Variants in ARHGDIA observed in about 807,000 individuals in gnomAD.
ARHGDIA encodes the protein Rho GDP dissociation inhibitor alpha.
Under a neutral mutation model 25.0 loss-of-function variants are expected in ARHGDIA, and 9 were observed. That is an observed-to-expected ratio of 0.36 (90% CI 0.22 to 0.63). The LOEUF (loss-of-function observed/expected upper bound fraction) is 0.63, where lower values mean the gene tolerates loss of function less well. Ranked by LOEUF, ARHGDIA falls within the 20% of genes least tolerant of loss-of-function variation. The pLI, the probability that ARHGDIA is intolerant of heterozygous loss-of-function variation, is 0.69. For synonymous variants in ARHGDIA, 166 were observed against 111.5 expected (o/e 1.49, Z -3.08); for missense variants, 239 against 264.3 (o/e 0.90, Z 0.66).
At chr17:81,870,164 G>A (rs1567853794) in intron 1 of ARHGDIA, 1 of 552,834 alleles carries the variant, frequency 1.8e-6, no homozygotes, top group South Asian at 2.4e-5. Context: ...AGACAAAATG[G>A]GAACTGCAGC....
In ARHGDIA at chr17:81,869,885, C is replaced by T. The variant is rs755519466; in HGVS notation, c.46G>A (p.Ala16Thr). The stretch of plus-strand genomic sequence containing the variant: ...GAGTGCTCATCCTCCTCGTTCTCCG[C>T]TGCAATCTGGGCCAGCTGCTCGGCT... Reference protein sequence around the residue: ...PTAEQLAQIAAENEEDEHSVN... With the variant: ...PTAEQLAQIATENEEDEHSVN... The change falls in exon 2 of 6, where the codon GCG becomes ACG. Residue 16 changes from alanine to threonine, a missense_variant. Around this residue, in one of 3 missense-constraint regions of ARHGDIA, gnomAD observed 135 missense variants for 119.8 expected, o/e 1.13. Transcript: ENST00000269321. 2.5e-6 allele frequency: 4 copies of T among 1,613,918 alleles called. No homozygotes were observed. The highest frequency in any genetic ancestry group is 3.4e-6 in the Non-Finnish European group (4 of 1,180,022).
rs1357682654 is a variant in ARHGDIA at position 81,869,229 on chromosome 17, C to T, written c.359G>A (p.Arg120Gln). 5 of 1,613,988 alleles carry T rather than the reference C, an allele frequency of 3.1e-6. No homozygotes were observed. Among genetic ancestry groups the T allele is most frequent in the African/African-American group, 1.3e-5 (1 of 74,908 alleles). ...YRIKISFRVN[R>Q]EIVSGMKYIQ... Reference sequence around the variant, plus strand: ...GTACTTCATGCCGGACACTATCTCTCGGTTAACCTGCAGGACCCGAAGCGA... The same window carrying T: ...GTACTTCATGCCGGACACTATCTCTTGGTTAACCTGCAGGACCCGAAGCGA... The change falls in exon 5 of 6, where the codon CGA becomes CAA. Residue 120 changes from arginine (R) to glutamine (Q), a missense_variant. By Grantham distance (43) the Arg-to-Gln change is conservative. This residue lies in a region of ARHGDIA where 75 missense variants were observed against 122.4 expected (regional missense o/e 0.61). Transcript: ENST00000269321.
rs1036226422 is a variant in ARHGDIA at position 81,870,098 on chromosome 17, C to G, written c.-27-141G>C. 1.7e-5 allele frequency: 13 copies of G among 784,062 alleles called. No individual in the cohort carries two copies. In the South Asian group the frequency reaches 2.4e-4, roughly 14 times the overall value. 48.6% of individuals were successfully genotyped at this position (784,062 alleles called of 1,614,324 possible). ...CTCCTCTCCACCCCCGCGATTCCTG[C>G]TCAGGGGCATCCTCTGGGGCAGTGT... On this transcript the variant is annotated intron_variant, in intron 1 of 5. Coordinates refer to ENST00000269321, the MANE Select transcript of ARHGDIA (RefSeq NM_004309.6).
At position 81,868,519 on chromosome 17, in the gene ARHGDIA, G is replaced by A; in HGVS notation, c.*357C>T. On this transcript the variant is annotated 3_prime_UTR_variant, in exon 6 of 6. Coordinates refer to ENST00000269321, the MANE Select transcript of ARHGDIA (RefSeq NM_004309.6). The stretch of plus-strand genomic sequence containing the variant: ...CGCACACGTCCAGGGGCAACCACGG[G>A]GCCTGGAGAATGGCTGCTCCGCTCC... 6.5e-7 allele frequency: 1 copy of A among 1,531,184 alleles called. No homozygotes were observed. The highest frequency in any genetic ancestry group is 8.7e-7 in the Non-Finnish European group (1 of 1,143,722). The allele number at this position is 1,531,184 out of a possible 1,614,324, so 94.8% of individuals were successfully genotyped here. A position where few individuals can be genotyped will look rare whatever the true frequency, so the allele number is the denominator to read the frequency against.
intron 4 of ARHGDIA, 41 bp from the exon 5 acceptor site, chr17:81,869,277 ACCCCAG>A (rs566979183): frequency 7.4e-6 from 12 of 1,613,432 alleles, no homozygotes; most frequent in Middle Eastern, 1.6e-4. Context: ...GTCGGTCCGG[ACCCCAG>A]CCCCAGCCCC....
rs1170433396 is a variant in ARHGDIA at position 81,869,707 on chromosome 17, GGGCGGCCACCC to G, written c.190+23_190+33del. The G allele has an allele frequency of 2.5e-6, 4 of 1,592,678 alleles. No homozygotes were observed. In the East Asian group the frequency reaches 9.1e-5, roughly 36 times the overall value. ...GAGCGGCAAGACAGCTGGAGTGAAC[GGGCGGCCACCC>G]GGCTCCCGCAGCCCAGACTCACCTG... On this transcript the variant is annotated intron_variant, in intron 2 of 5. Transcript: ENST00000269321.
At chr17:81,869,667 G>T (rs1318488166) in intron 2 of ARHGDIA, 42 bp from the exon 3 acceptor site, 6 of 1,535,410 alleles carry the variant, frequency 3.9e-6, no homozygotes, top group Middle Eastern at 3.5e-4. Context: ...CCCACCAGTG[G>T]AAGTAGGGGC....
intron 1 of ARHGDIA, chr17:81,870,275 C>T: frequency 3.1e-6 from 1 of 319,764 alleles, no homozygotes; most frequent in Non-Finnish European, 5.9e-6. Context: ...AATCAACCGG[C>T]GGGGCCCACA....
chr17:81,870,066 A>C (rs2039241090), intron 1 of ARHGDIA, 109 bp from the exon 2 acceptor site: 2 of 1,099,570 alleles, frequency 1.8e-6, no homozygotes, highest in African/African-American at 3.2e-5. Context: ...CAAGGGGGCC[A>C]CCTTCGCTCC....
At position 81,868,975 on chromosome 17, in the gene ARHGDIA, C is replaced by T; in HGVS notation, c.516G>A (p.Arg172=). ...VEEAPKGMLA[R]GSYSIKSRFT... is the part of the protein sequence containing the mutation. ...AGCGGGACTTGATGCTGTAGCTGCC[C>T]CGGGCCAGCATACCCTTGGGTGCCT... is the stretch of plus-strand genomic sequence containing the variant. Residue 172 remains arginine (R), a synonymous_variant, in exon 6 of 6, where the codon CGG becomes CGA. Transcript: ENST00000269321. 6.2e-7 allele frequency: 1 copy of T among 1,613,832 alleles called. No individual in the cohort carries two copies. The highest frequency in any genetic ancestry group is 8.5e-7 in the Non-Finnish European group (1 of 1,179,988).
Position 81,868,696 on chromosome 17 carries a change from G to C in ARHGDIA, c.*180C>G. The C allele has an allele frequency of 6.5e-7, 1 of 1,534,204 alleles. No homozygotes were observed. The highest frequency in any genetic ancestry group is 1.2e-5 in the South Asian group (1 of 83,232). ...CGAGGAGGCTGGGCCTGTGGGTGGGGGAGGGCTGAGGAGGGGGGTCGGAGG... is the reference window on the plus strand; with the variant it reads ...CGAGGAGGCTGGGCCTGTGGGTGGGCGAGGGCTGAGGAGGGGGGTCGGAGG... On this transcript the variant is annotated 3_prime_UTR_variant, in exon 6 of 6. Transcript: ENST00000269321.
chr17:81,869,734 G>A lies in ARHGDIA; in HGVS notation c.190+7C>T. The A allele has an allele frequency of 6.2e-7, 1 of 1,611,434 alleles. No individual in the cohort carries two copies. Among genetic ancestry groups the A allele is most frequent in the Non-Finnish European group, 8.5e-7 (1 of 1,178,980 alleles). On this transcript the variant is annotated splice_region_variant and intron_variant, in intron 2 of 5. Transcript: ENST00000269321. ...GCGGCCACCCGGCTCCCGCAGCCCAGACTCACCTGCGGAAACGGCCACGCG... is the reference window on the plus strand; with the variant it reads ...GCGGCCACCCGGCTCCCGCAGCCCAAACTCACCTGCGGAAACGGCCACGCG...
intron 3 of ARHGDIA, 51 bp from the exon 4 acceptor site, chr17:81,869,457 C>G: frequency 1.9e-6 from 3 of 1,612,182 alleles, no homozygotes; most frequent in Admixed American, 1.7e-5. Flanking sequence ...CTGCGCGAAG[C>G]CCCAGCCCTG....
intron 1 of ARHGDIA, among the ~76,000 whole-genome samples, chr17:81,870,471 C>G (rs367677569): frequency 2.0e-5 from 3 of 152,200 alleles, no homozygotes; most frequent in South Asian, 4.1e-4. Context: ...TTAGGGGCAG[C>G]TAGAATACCG....
chr17:81,869,339 G>T lies in ARHGDIA; in HGVS notation c.342C>A (p.Ile114=), dbSNP rs763294984. 2 of 1,613,890 alleles carry T rather than the reference G, an allele frequency of 1.2e-6. No homozygotes were observed. The highest frequency in any genetic ancestry group is 1.3e-5 in the African/African-American group (1 of 74,910). ...LKEGVEYRIK[I]SFRVNREIVS... ...GCAGCCTGTAGCTTACCCGGAAAGA[G>T]ATTTTTATCCGGTACTCCACACCCT... Residue 114 remains isoleucine (I), a synonymous_variant, in exon 4 of 6, where the codon ATC becomes ATA. Coordinates refer to ENST00000269321, the MANE Select transcript of ARHGDIA (RefSeq NM_004309.6).
Position 81,868,188 on chromosome 17 carries a change from C to A in ARHGDIA, c.*688G>T. The A allele has an allele frequency of 1.6e-6, 1 of 643,044 alleles. No individual in the cohort carries two copies. Among genetic ancestry groups the A allele is most frequent in the Admixed American group, 3.4e-5 (1 of 29,746 alleles). 39.8% of individuals were successfully genotyped at this position (643,044 alleles called of 1,614,324 possible). A position where few individuals can be genotyped will look rare whatever the true frequency, so the allele number is the denominator to read the frequency against. On this transcript the variant is annotated 3_prime_UTR_variant, in exon 6 of 6. Transcript: ENST00000269321. ...AAGCCGCCGGAGCCATCTCCACAGC[C>A]CTGTCCAGGGAAGGGGGCAGGCTGG...
chr17:81,868,481 C>A lies in ARHGDIA; in HGVS notation c.*395G>T. 1 of 1,523,124 alleles carries A rather than the reference C, an allele frequency of 6.6e-7. No individual in the cohort carries two copies. The highest frequency in any genetic ancestry group is 8.8e-7 in the Non-Finnish European group (1 of 1,138,956). 94.4% of individuals were successfully genotyped at this position (1,523,124 alleles called of 1,614,324 possible). Reference sequence around the variant, plus strand: ...GTGCATCCCACACCCCAGCTCCACCCCGGAGCAGCAGACGCACACGTCCAG... The same window carrying A: ...GTGCATCCCACACCCCAGCTCCACCACGGAGCAGCAGACGCACACGTCCAG... On this transcript the variant is annotated 3_prime_UTR_variant, in exon 6 of 6. Coordinates refer to ENST00000269321, the MANE Select transcript of ARHGDIA (RefSeq NM_004309.6).
At position 81,869,729 on chromosome 17, in the gene ARHGDIA, G is replaced by A; in HGVS notation, c.190+12C>T. On this transcript the variant is annotated intron_variant, in intron 2 of 5. Transcript: ENST00000269321. ...AACGGGCGGCCACCCGGCTCCCGCAGCCCAGACTCACCTGCGGAAACGGCC... is the reference window on the plus strand; with the variant it reads ...AACGGGCGGCCACCCGGCTCCCGCAACCCAGACTCACCTGCGGAAACGGCC... 11 of 1,609,978 alleles carry A rather than the reference G, an allele frequency of 6.8e-6. No individual in the cohort carries two copies. Among genetic ancestry groups the A allele is most frequent in the South Asian group, 2.2e-5 (2 of 90,668 alleles).
intron 1 of ARHGDIA, chr17:81,870,835 T>C (rs975743416): frequency 2.0e-5 from 3 of 151,846 alleles, no homozygotes; most frequent in Non-Finnish European, 4.4e-5. Flanking sequence ...CCGCAATCCG[T>C]GCCGGGCGTG....
Sources: allele counts gnomAD v4.1 joint callset (sites outside exome capture counted in the v4.1 genomes callset), GRCh38; gene constraint gnomAD v4.1.1; regional missense constraint gnomAD v4.1.1; transcripts MANE v1.5; gene names NCBI Gene and HGNC (gene_info 2026-07-23, HGNC 2026-07-21).